CATSPER1: variants seen among roughly 807,000 people sequenced by gnomAD.
The protein encoded by CATSPER1 is cation channel sperm-associated protein 1.
CATSPER1 carries 57 observed loss-of-function variants against 72.7 expected under a neutral mutation model. The observed-to-expected ratio is 0.78, with a 90% confidence interval of 0.63 to 0.98. The LOEUF is 0.98. Ranked by LOEUF, CATSPER1 falls within the 50% of genes least tolerant of loss-of-function variation. CATSPER1 has a pLI of 0.00. For synonymous variants in CATSPER1, 363 were observed against 403.0 expected (o/e 0.90, Z 1.19); for missense variants, 910 against 1,033.9 (o/e 0.88, Z 1.64).
chr11:66,021,753 C>G lies in CATSPER1; in HGVS notation c.1543+13G>C. On this transcript the variant is annotated intron_variant, in intron 3 of 11. Transcript: ENST00000312106. ...AGACTAAACACACGCAGCCTGGCCC[C>G]GGCCGCACCCACCCAAATTGTTCCA... The G allele has an allele frequency of 6.2e-7, 1 of 1,612,890 alleles. No individual in the cohort carries two copies. Among genetic ancestry groups the G allele is most frequent in the Non-Finnish European group, 8.5e-7 (1 of 1,178,876 alleles).
Position 66,025,739 on chromosome 11 carries a change from T to TG in CATSPER1, c.640dup (p.His214ProfsTer20). ...TTGGTGATGGTGGGGCCAGCCACGG[T>TG]GGGGGACTTGGTGATGCTGGGACTC... On this transcript the variant is annotated frameshift_variant, in exon 1 of 12. Transcript: ENST00000312106. LOFTEE classifies it high-confidence loss of function. 1 of 1,613,056 alleles carries TG rather than the reference T, an allele frequency of 6.2e-7. No individual in the cohort carries two copies.
chr11:66,025,394 T>C lies in CATSPER1; in HGVS notation c.986A>G (p.His329Arg). 1 of 1,613,676 alleles carries C rather than the reference T, an allele frequency of 6.2e-7. No individual in the cohort carries two copies. The highest frequency in any genetic ancestry group is 8.5e-7 in the Non-Finnish European group (1 of 1,179,928). Residue 329 changes from histidine to arginine, a missense_variant, in exon 1 of 12, where the codon CAC becomes CGC. His to Arg is a conservative substitution (Grantham distance 29). Coordinates refer to ENST00000312106, the MANE Select transcript of CATSPER1 (RefSeq NM_053054.4). ...VQSTSQLSIP[H>R]TSRSLIHDAP... is the part of the protein sequence containing the mutation. Reference sequence around the variant, plus strand: ...ATCGTGAATCAGGCTCCGGGATGTGTGTGGGATAGAGAGTTGGGAAGTGCT... The same window carrying C: ...ATCGTGAATCAGGCTCCGGGATGTGCGTGGGATAGAGAGTTGGGAAGTGCT...
rs1298812806 is a variant in CATSPER1, at chr11:66,025,875, G to A, written c.505C>T (p.His169Tyr). ...LSHYSSGVPH[H>Y]GEASHHGGSY... ...CCACCATGGTGGGAAGCCTCACCGT[G>A]GTGGGGCACGCCAGAGGAATAGTGG... The change falls in exon 1 of 12, where the codon CAC (histidine) becomes TAC (tyrosine). Residue 169 changes from histidine to tyrosine, a missense_variant. Transcript: ENST00000312106. 4.3e-6 allele frequency: 7 copies of A among 1,613,604 alleles called. No homozygotes were observed. Among genetic ancestry groups the A allele is most frequent in the South Asian group, 2.2e-5 (2 of 91,066 alleles).
Position 66,026,147 on chromosome 11 carries a change from G to A in CATSPER1, c.233C>T (p.Ser78Phe), listed in dbSNP as rs751655147. 1 of 1,606,266 alleles carries A rather than the reference G, an allele frequency of 6.2e-7. No homozygotes were observed. Among genetic ancestry groups the A allele is most frequent in the Non-Finnish European group, 8.5e-7 (1 of 1,173,548 alleles). ...DQALSSHVHQ[S>F]HHHSEARNHG... ...ATTCCGTGCCTCGCTGTGGTGGTGA[G>A]ATTGGTGGACATGGGAGGACAAGGC... The change falls in exon 1 of 12, where the codon TCT becomes TTT. Residue 78 changes from serine to phenylalanine, a missense_variant. By Grantham distance (155) the Ser-to-Phe change is radical (BLOSUM62 -2). Coordinates refer to ENST00000312106, the MANE Select transcript of CATSPER1 (RefSeq NM_053054.4).
chr11:66,025,018 C>T, intron 1 of CATSPER1, 146 bp downstream of exon 1: 1 of 922,816 alleles, frequency 1.1e-6, no homozygotes, highest in South Asian at 1.4e-5. Context: ...GGACCATGAA[C>T]AGTCAGGAGA....
chr11:66,019,828 G>A lies in CATSPER1; in HGVS notation c.2125+312C>T, dbSNP rs144705925. Reference sequence around the variant, plus strand: ...GCTACTCAGGAGGCTGAGATGGAAGGATTGCTTGAGCCTGGGAAGCATAGG... The same window carrying A: ...GCTACTCAGGAGGCTGAGATGGAAGAATTGCTTGAGCCTGGGAAGCATAGG... On this transcript the variant is annotated intron_variant, in intron 9 of 11. Coordinates refer to ENST00000312106, the MANE Select transcript of CATSPER1 (RefSeq NM_053054.4). Among the ~76,000 whole-genome samples, 11 of 149,272 alleles carry A rather than the reference G, an allele frequency of 7.4e-5. No homozygotes were observed. In the East Asian group the frequency reaches 2.3e-3, roughly 31 times the overall value.
rs764182570 is a variant in CATSPER1, at chr11:66,021,653, C to T, written c.1544-10G>A. The T allele has an allele frequency of 2.6e-5, 41 of 1,606,792 alleles. No individual in the cohort carries two copies. The highest frequency in any genetic ancestry group is 8.9e-5 in the East Asian group (4 of 44,702). On this transcript the variant is annotated splice_polypyrimidine_tract_variant and intron_variant, in intron 3 of 11. Coordinates refer to ENST00000312106, the MANE Select transcript of CATSPER1 (RefSeq NM_053054.4). ...GCCATAATGAAGAAGTCTGAGGGCACGGGGTGCCTGAGCCTGGCGGGCTCC... is the reference window on the plus strand; with the variant it reads ...GCCATAATGAAGAAGTCTGAGGGCATGGGGTGCCTGAGCCTGGCGGGCTCC...
Position 66,020,929 on chromosome 11 carries a change from TG to T in CATSPER1, c.1808del (p.Ala603AspfsTer50). 1 of 1,614,022 alleles carries T rather than the reference TG, an allele frequency of 6.2e-7. No individual in the cohort carries two copies. The highest frequency in any genetic ancestry group is 8.5e-7 in the Non-Finnish European group (1 of 1,180,030). ...CLFLFSAVLR[A>X]LFRKSDPKRF... is the part of the protein sequence containing the mutation. ...GCTTGGGGTCAGATTTGCGGAACAG[TG>T]CCCGGAGGACCGCGGAGAAGAGGAC... On this transcript the variant is annotated frameshift_variant, in exon 6 of 12. Transcript: ENST00000312106. LOFTEE classifies it high-confidence loss of function. This position sits in a 1 kb window ranked among gnomAD's most constrained non-coding sequence, Gnocchi z 4.5.
rs768817052 is a variant in CATSPER1 at position 66,026,220 on chromosome 11, G to A, written c.160C>T (p.Arg54Cys). ...ELHHHGVPHQ[R>C]GESHHPPEFQ... ...TCCGGAGGGTGGTGAGATTCACCAC[G>A]TTGGTGGGGCACGCCGTGATGGTGC... Residue 54 changes from arginine (R) to cysteine (C), a missense_variant, in exon 1 of 12, where the codon CGT (arginine) becomes TGT (cysteine). Coordinates refer to ENST00000312106, the MANE Select transcript of CATSPER1 (RefSeq NM_053054.4). 2.4e-5 allele frequency: 38 copies of A among 1,611,284 alleles called. No homozygotes were observed. The highest frequency in any genetic ancestry group is 3.3e-5 in the Admixed American group (2 of 59,962).
intron 1 of CATSPER1, 106 bp from the exon 2 acceptor site, chr11:66,023,167 T>C: frequency 2.7e-6 from 3 of 1,095,252 alleles, no homozygotes; most frequent in South Asian, 1.3e-5. Flanking sequence ...GCCTGCTTGC[T>C]GGCCCTCTGC....
At position 66,021,157 on chromosome 11, in the gene CATSPER1, CT is replaced by C. The variant is rs766568220; in HGVS notation, c.1719del (p.Thr575ProfsTer78). On this transcript the variant is annotated frameshift_variant, in exon 5 of 12. Coordinates refer to ENST00000312106, the MANE Select transcript of CATSPER1 (RefSeq NM_053054.4). LOFTEE classifies it high-confidence loss of function. ...GACGGCAAGGACTGGCCCAGGGTCC[CT>C]GTCACTTCCTGGACGCTGGTCAGGA... ...LSFLTSVQEV[T>X]GTLGQSLPSI... is the part of the protein sequence containing the mutation. 3 of 1,613,310 alleles carry C rather than the reference CT, an allele frequency of 1.9e-6. No individual in the cohort carries two copies. Among genetic ancestry groups the C allele is most frequent in the Non-Finnish European group, 2.5e-6 (3 of 1,179,716 alleles).
intron 11 of CATSPER1, 28 bp from the exon 12 acceptor site, chr11:66,016,944 G>A: frequency 6.2e-7 from 1 of 1,614,036 alleles, no homozygotes; most frequent in Non-Finnish European, 8.5e-7. Flanking sequence ...GCACTGGTGG[G>A]TGAATGAGCC....
In CATSPER1 at chr11:66,022,840, G is replaced by A. The variant is rs1279906844; in HGVS notation, c.1429+9C>T. ...CTTCTCCATGGGAACAGGACTCCCTGGCTCTTACCGCCCCGGATCTCGACT... is the reference window on the plus strand; with the variant it reads ...CTTCTCCATGGGAACAGGACTCCCTAGCTCTTACCGCCCCGGATCTCGACT... On this transcript the variant is annotated intron_variant, in intron 2 of 11. Transcript: ENST00000312106. 5.6e-6 allele frequency: 9 copies of A among 1,614,080 alleles called. No homozygotes were observed. Among genetic ancestry groups the A allele is most frequent in the Non-Finnish European group, 6.8e-6 (8 of 1,179,950 alleles).
In CATSPER1 at chr11:66,020,106, G is replaced by A. The variant is rs1468774100; in HGVS notation, c.2125+34C>T. ...GGAGAGACTGGCCCCCACTGCGGACGGGCAGGTGGGGCCAGGGCGGGCCAG... is the reference window on the plus strand; with the variant it reads ...GGAGAGACTGGCCCCCACTGCGGACAGGCAGGTGGGGCCAGGGCGGGCCAG... On this transcript the variant is annotated intron_variant, in intron 9 of 11. Transcript: ENST00000312106. The surrounding 1 kb of genome is among the most constrained non-coding windows in gnomAD (Gnocchi z 4.5). The A allele has an allele frequency of 9.3e-6, 15 of 1,606,238 alleles. No individual in the cohort carries two copies. The highest frequency in any genetic ancestry group is 5.3e-5 in the African/African-American group (4 of 74,778).
chr11:66,023,008 A>G lies in CATSPER1; in HGVS notation c.1270T>C (p.Trp424Arg), dbSNP rs139761671. The change falls in exon 2 of 12, where the codon TGG becomes CGG. Residue 424 changes from tryptophan (W) to arginine (R), a missense_variant. Coordinates refer to ENST00000312106, the MANE Select transcript of CATSPER1 (RefSeq NM_053054.4). ...AGGAAGGTTAGCTTTTCCCACAGCC[A>G]CTGGAAGAGATTGGTAGAGTGTCCC... ...KKGHSTNLFQ[W>R]LWEKLTFLIQ... is the part of the protein sequence containing the mutation. 197 of 1,614,104 alleles carry G rather than the reference A, an allele frequency of 1.2e-4. No homozygotes were observed. Among genetic ancestry groups the G allele is most frequent in the Non-Finnish European group, 1.5e-4 (176 of 1,180,052 alleles).
Position 66,017,186 on chromosome 11 carries a change from C to CT in CATSPER1, c.2202-13_2202-12insA. 1 of 258,966 alleles carries CT rather than the reference C, an allele frequency of 3.9e-6. No homozygotes were observed. The highest frequency in any genetic ancestry group is 7.1e-6 in the Non-Finnish European group (1 of 141,232). The allele number at this position is 258,966 out of a possible 1,614,324, so 16.0% of individuals were successfully genotyped here. ...GGAGCTCCTGCTGCCTGCGGGTGGG[C>CT]GGGGGGGTCGCAGAGACAGGGGCTG... On this transcript the variant is annotated splice_polypyrimidine_tract_variant and intron_variant, in intron 10 of 11. Coordinates refer to ENST00000312106, the MANE Select transcript of CATSPER1 (RefSeq NM_053054.4).
In CATSPER1 at chr11:66,020,354, G is replaced by C; in HGVS notation, c.2027C>G (p.Thr676Arg). The C allele has an allele frequency of 6.2e-7, 1 of 1,614,112 alleles. No homozygotes were observed. Among genetic ancestry groups the C allele is most frequent in the South Asian group, 1.1e-5 (1 of 91,082 alleles). ...VITVLVDSFQ[T>R]ALFKGLEKAK... ...TTTCTCAAGGCCTTTGAACAGCGCC[G>C]TCTGGAAGCTATCCACCAGGACAGT... is the stretch of plus-strand genomic sequence containing the variant. Residue 676 changes from threonine (T) to arginine (R), a missense_variant, in exon 8 of 12, where the codon ACG becomes AGG. Physicochemically the swap from Thr to Arg is moderately conservative, Grantham distance 71 (BLOSUM62 -1). Coordinates refer to ENST00000312106, the MANE Select transcript of CATSPER1 (RefSeq NM_053054.4). The surrounding 1 kb of genome is among the most constrained non-coding windows in gnomAD (Gnocchi z 4.5).
Position 66,017,194 on chromosome 11 carries a change from T to TGGGGGGGGGGGGGGGGGGGGGGGCCA in CATSPER1, c.2202-21_2202-20insTGGCCCCCCCCCCCCCCCCCCCCCCC. ...TGCTGCCTGCGGGTGGGCGGGGGGG[T>TGGGGGGGGGGGGGGGGGGGGGGGCCA]CGCAGAGACAGGGGCTGGGCTGACC... On this transcript the variant is annotated intron_variant, in intron 10 of 11. Transcript: ENST00000312106. 3.6e-6 allele frequency: 2 copies of TGGGGGGGGGGGGGGGGGGGGGGGCCA among 550,272 alleles called. No homozygotes were observed. The highest frequency in any genetic ancestry group is 6.8e-6 in the Non-Finnish European group (2 of 295,846). 34.1% of individuals were successfully genotyped at this position (550,272 alleles called of 1,614,324 possible).
chr11:66,020,626 G>A lies in CATSPER1; in HGVS notation c.1929C>T (p.Gly643=), dbSNP rs200020058. 36 of 1,612,090 alleles carry A rather than the reference G, an allele frequency of 2.2e-5. No homozygotes were observed. The Middle Eastern group carries it at 2.1e-3, about 96-fold the overall frequency. Residue 643 remains glycine, a splice_region_variant and synonymous_variant, in exon 7 of 12, where the codon GGC becomes GGT. Coordinates refer to ENST00000312106, the MANE Select transcript of CATSPER1 (RefSeq NM_053054.4). The surrounding 1 kb of genome is among the most constrained non-coding windows in gnomAD (Gnocchi z 4.5). ...SLIYMDSRAQ[G]AWYIIPILVI... Reference sequence around the variant, plus strand: ...CGAGGATGGGAATGATGTACCAGGCGCCTAGGGGGAGCAGGCCAGAGGGCA... The same window carrying A: ...CGAGGATGGGAATGATGTACCAGGCACCTAGGGGGAGCAGGCCAGAGGGCA...
Sources: allele counts gnomAD v4.1 joint callset (sites outside exome capture counted in the v4.1 genomes callset), GRCh38; gene constraint gnomAD v4.1.1; non-coding constraint Gnocchi (gnomAD v3.1); transcripts MANE v1.5; gene names NCBI Gene and HGNC (gene_info 2026-07-23, HGNC 2026-07-21).